Variants in ZNF383 observed in about 807,000 individuals in gnomAD.
The protein encoded by ZNF383 is zinc finger protein 383.
A neutral mutation model predicts 44.2 loss-of-function variants in ZNF383; 32 were observed. The observed-to-expected ratio is 0.72, with a 90% confidence interval of 0.55 to 0.97. ZNF383 has a LOEUF of 0.97. ZNF383 is among the 50% of genes least tolerant of loss of function. ZNF383 has a pLI of 0.00. For synonymous variants in ZNF383, 155 were observed against 186.2 expected, an observed-to-expected ratio of 0.83 and a Z score of 1.36; for missense variants, 487 against 562.5, an observed-to-expected ratio of 0.87 and a Z score of 1.36.
intron 2 of ZNF383, 165 bp downstream of exon 2, chr19:37,225,104 T>C (rs900671627): frequency 6.7e-6 from 1 of 148,510 alleles, no homozygotes; most frequent in Non-Finnish European, 1.5e-5. Flanking sequence ...ATCTTAATAA[T>C]TTTTTTTTTG....
intron 3 of ZNF383, among the ~76,000 whole-genome samples, chr19:37,234,112 C>T (rs1973648877): frequency 6.6e-6 from 1 of 152,182 alleles, no homozygotes. Flanking sequence ...GATCCACCCA[C>T]CTCGGCCTCC....
At chr19:37,236,998 GACAC>G (rs138267448) in intron 5 of ZNF383, among the ~76,000 whole-genome samples, 3 of 125,152 alleles carry the variant, frequency 2.4e-5, no homozygotes, top group Admixed American at 8.1e-5. Context: ...CACACACAGA[GACAC>G]ACACACACAC....
chr19:37,232,356 C>G (rs980404005), intron 3 of ZNF383, among the ~76,000 whole-genome samples: 2 of 152,078 alleles, frequency 1.3e-5, no homozygotes, highest in African/African-American at 2.4e-5. Context: ...GTGTGAGCCA[C>G]CATGCCCGGC....
In ZNF383 at chr19:37,243,703, A is replaced by G. The variant is rs1568534839; in HGVS notation, c.*39A>G. 7 of 1,384,052 alleles carry G rather than the reference A, an allele frequency of 5.1e-6. No individual in the cohort carries two copies. The highest frequency in any genetic ancestry group is 6.8e-6 in the Non-Finnish European group (7 of 1,027,720). The allele number at this position is 1,384,052 out of a possible 1,614,324, so 85.7% of individuals were successfully genotyped here. On this transcript the variant is annotated 3_prime_UTR_variant, in exon 6 of 6. Coordinates refer to ENST00000684119, the MANE Select transcript of ZNF383 (RefSeq NM_001387601.1). ...CCCTGTCACCTTCCTCATATTTTAA[A>G]CCAAAAATCATGTCTAATAGTTACC...
Position 37,244,940 on chromosome 19 carries a change from T to G in ZNF383, c.*1276T>G, listed in dbSNP as rs1220256321. 4 of 152,218 alleles carry G rather than the reference T, an allele frequency of 2.6e-5. No homozygotes were observed. The allele number at this position is 152,218 out of a possible 1,614,324, so 9.4% of individuals were successfully genotyped here. Reference sequence around the variant, plus strand: ...AGATTTTTATTATTTTCATGACATATTTAATGACTTTAAAATGACTATTCC... The same window carrying G: ...AGATTTTTATTATTTTCATGACATAGTTAATGACTTTAAAATGACTATTCC... On this transcript the variant is annotated 3_prime_UTR_variant, in exon 6 of 6. Transcript: ENST00000684119.
chr19:37,229,807 T>A (rs867736751), intron 2 of ZNF383, among the ~76,000 whole-genome samples: 1,694 of 141,202 alleles, frequency 0.012, 17 homozygotes, highest in African/African-American at 0.016. Context: ...TATATATTTT[T>A]TTTTTTTTTT....
At chr19:37,237,397 A>G (rs566031231) in intron 5 of ZNF383, among the ~76,000 whole-genome samples, 1 of 152,258 alleles carries the variant, frequency 6.6e-6, no homozygotes, top group East Asian at 1.9e-4. Context: ...ATCTGTGCCT[A>G]TATTAAAAAG....
rs746011907 is a variant in ZNF383 at position 37,242,956 on chromosome 19, C to T, written c.720C>T (p.Tyr240=). 5 of 1,613,912 alleles carry T rather than the reference C, an allele frequency of 3.1e-6. No homozygotes were observed. The highest frequency in any genetic ancestry group is 2.2e-5 in the East Asian group (1 of 44,856). The change falls in exon 6 of 6, where the codon TAC becomes TAT. Residue 240 remains tyrosine (Y), a synonymous_variant. Coordinates refer to ENST00000684119, the MANE Select transcript of ZNF383 (RefSeq NM_001387601.1). ...GAAAGGCCTTCAGTTGTAGCTCATA[C>T]CTTTCTCAACATCAGAGAATCCATA... ...ECGKAFSCSS[Y]LSQHQRIHTG...
chr19:37,220,295 C>A (rs1972857548), intron 1 of ZNF383, among the ~76,000 whole-genome samples: 1 of 152,178 alleles, frequency 6.6e-6, no homozygotes, highest in East Asian at 1.9e-4. Flanking sequence ...GAGGCGCGTT[C>A]TCAGCGCACC....
intron 1 of ZNF383, among the ~76,000 whole-genome samples, chr19:37,223,518 C>T (rs1019121706): frequency 6.6e-6 from 1 of 151,848 alleles, no homozygotes; most frequent in African/African-American, 2.4e-5. Flanking sequence ...GGCAATATAG[C>T]AAGACCCCAT....
intron 1 of ZNF383, among the ~76,000 whole-genome samples, chr19:37,222,357 A>G (rs1289771394): frequency 6.6e-6 from 1 of 152,080 alleles, no homozygotes; most frequent in African/African-American, 2.4e-5. Context: ...TTGCTGTTTA[A>G]AATTCTGTTG....
At chr19:37,230,529 T>C in intron 3 of ZNF383, 67 bp downstream of exon 3, 1 of 1,554,056 alleles carries the variant, frequency 6.4e-7, no homozygotes. Context: ...CATGAGCATT[T>C]GCTTTCCTTA....
In ZNF383 at chr19:37,248,107, G is replaced by A. The variant is rs887488039; in HGVS notation, c.*4443G>A. The stretch of plus-strand genomic sequence containing the variant: ...GCGGGGATCATGCCATTGCACTCCA[G>A]CCTGGGCAACAAGAGTGAAACTCTC... On this transcript the variant is annotated 3_prime_UTR_variant, in exon 6 of 6. Transcript: ENST00000684119. The A allele has an allele frequency of 2.6e-5, 4 of 152,196 alleles. No individual in the cohort carries two copies. The highest frequency in any genetic ancestry group is 5.9e-5 in the Non-Finnish European group (4 of 68,040). The allele number at this position is 152,196 out of a possible 1,614,324, so 9.4% of individuals were successfully genotyped here. A position where few individuals can be genotyped will look rare whatever the true frequency, so the allele number is the denominator to read the frequency against.
At chr19:37,242,028 G>GATTATATAGTATAGATGCTATAT (rs1974113500) in intron 5 of ZNF383, among the ~76,000 whole-genome samples, 2 of 1,890 alleles carry the variant, frequency 1.1e-3, no homozygotes, top group African/African-American at 3.7e-3. Context: ...ATACTATAAA[G>GATTATATAGTATAGATGCTATAT]ATACTATATA....
intron 1 of ZNF383, among the ~76,000 whole-genome samples, chr19:37,219,904 C>T (rs1972837502): frequency 1.3e-5 from 2 of 152,134 alleles, no homozygotes; most frequent in South Asian, 4.1e-4. Context: ...CTTCTTTCTA[C>T]AAAATGTTCA....
rs1599796421 is a variant in ZNF383, at chr19:37,235,455, A to G, written c.10-94A>G. ...TACAGGTTCTCAGTGACACCAATAT[A>G]ATGACTCATTTTGTATTACCCCACA... On this transcript the variant is annotated intron_variant, in intron 3 of 5. Coordinates refer to ENST00000684119, the MANE Select transcript of ZNF383 (RefSeq NM_001387601.1). 2.1e-5 allele frequency: 27 copies of G among 1,297,896 alleles called. No homozygotes were observed. The East Asian group carries it at 6.4e-4, about 31-fold the overall frequency. The allele number at this position is 1,297,896 out of a possible 1,614,324, so 80.4% of individuals were successfully genotyped here.
chr19:37,237,019 T>G (rs1337465071), intron 5 of ZNF383, among the ~76,000 whole-genome samples: 1 of 146,872 alleles, frequency 6.8e-6, no homozygotes, highest in Non-Finnish European at 1.5e-5. Flanking sequence ...ACACACCCCT[T>G]GCCCAAGTAC....
In ZNF383 at chr19:37,236,013, A is replaced by G. The variant is rs1252933834; in HGVS notation, c.171A>G (p.Leu57=). The change falls in exon 5 of 6, where the codon TTA becomes TTG. Residue 57 remains leucine, a synonymous_variant. Coordinates refer to ENST00000684119, the MANE Select transcript of ZNF383 (RefSeq NM_001387601.1). ...LYTPKPQVIS[L]LEQGKEPWMV... ...CTCCTAAGCCTCAAGTGATCTCCTT[A>G]TTGGAACAAGGGAAAGAGCCCTGGA... 1 of 1,613,654 alleles carries G rather than the reference A, an allele frequency of 6.2e-7. No homozygotes were observed. The highest frequency in any genetic ancestry group is 2.2e-5 in the East Asian group (1 of 44,860).
Position 37,218,283 on chromosome 19 carries a change from A to T in ZNF383, c.-168+9A>T, listed in dbSNP as rs1972765488. On this transcript the variant is annotated intron_variant, in intron 1 of 5. Coordinates refer to ENST00000684119, the MANE Select transcript of ZNF383 (RefSeq NM_001387601.1). ...TCGGCTGGGGCCCGCAGGTACGTGC[A>T]TGGGAGTTTGAAGGGACTGACCAGG... is the stretch of plus-strand genomic sequence containing the variant. 1 of 152,426 alleles carries T rather than the reference A, an allele frequency of 6.6e-6. No homozygotes were observed. Among genetic ancestry groups the T allele is most frequent in the Non-Finnish European group, 1.5e-5 (1 of 68,306 alleles). 9.4% of individuals were successfully genotyped at this position (152,426 alleles called of 1,614,324 possible).
Sources: allele counts gnomAD v4.1 joint callset (sites outside exome capture counted in the v4.1 genomes callset), GRCh38; gene constraint gnomAD v4.1.1; transcripts MANE v1.5; gene names NCBI Gene and HGNC (gene_info 2026-07-23, HGNC 2026-07-21).